CNTN5: variants seen among roughly 807,000 people sequenced by gnomAD.
CNTN5 encodes contactin-5.
In CNTN5, 77 loss-of-function variants were observed where a neutral mutation model predicts 129.1. The ratio of observed to expected loss-of-function variants is 0.60; its 90% confidence interval spans 0.50 to 0.72. The LOEUF (loss-of-function observed/expected upper bound fraction) is 0.72. CNTN5 is among the 30% of genes least tolerant of loss of function. CNTN5 has a pLI of 0.00. For synonymous variants in CNTN5, 509 were observed against 465.6 expected, an observed-to-expected ratio of 1.09 and a Z score of -1.20; for missense variants, 1,478 against 1,328.8, an observed-to-expected ratio of 1.11 and a Z score of -1.75.
At chr11:100,316,148 A>C (rs1216170) in intron 21 of CNTN5, among the ~76,000 whole-genome samples, 74,720 of 152,080 alleles carry the variant, frequency 0.49, 21,028 homozygotes, top group East Asian at 0.92. Context: ...AAATTCAGAG[A>C]AGATGCCAGT....
intron 15 of CNTN5, among the ~76,000 whole-genome samples, chr11:100,198,096 A>G (rs1948692648): frequency 6.6e-6 from 1 of 151,920 alleles, no homozygotes; most frequent in South Asian, 2.1e-4. Context: ...CTCCTTTATA[A>G]ACCCTCTCCA....
intron 1 of CNTN5, among the ~76,000 whole-genome samples, chr11:99,125,311 A>G (rs1191534976): frequency 1.3e-5 from 2 of 151,494 alleles, no homozygotes; most frequent in Non-Finnish European, 2.9e-5. Context: ...ACATTTGCCA[A>G]TCAATAAATG....
chr11:99,155,671 G>T (rs760249853), intron 1 of CNTN5, among the ~76,000 whole-genome samples: 1 of 151,792 alleles, frequency 6.6e-6, no homozygotes, highest in African/African-American at 2.4e-5. Flanking sequence ...AAAAAAACTA[G>T]TAAGTGAAGC....
chr11:99,442,842 G>A (rs1222325083), intron 2 of CNTN5, among the ~76,000 whole-genome samples: 1 of 152,290 alleles, frequency 6.6e-6, no homozygotes, highest in East Asian at 1.9e-4. Context: ...TACAAAACAT[G>A]ACTACTGAGA....
rs548886592 is a variant in CNTN5 at position 99,451,394 on chromosome 11, C to T, written c.-70-104751C>T. On this transcript the variant is annotated intron_variant, in intron 2 of 24. Coordinates refer to ENST00000524871, the MANE Select transcript of CNTN5 (RefSeq NM_014361.4). Reference sequence around the variant, plus strand: ...GGGGCAAAAAAATATACAAATAGTACATCAAAATATTACAAATGGAATGTT... The same window carrying T: ...GGGGCAAAAAAATATACAAATAGTATATCAAAATATTACAAATGGAATGTT... 2.0e-5 allele frequency among the ~76,000 whole-genome samples: 3 copies of T among 152,168 alleles called. No individual in the cohort carries two copies. The South Asian group carries it at 6.2e-4, about 32-fold the overall frequency.
At chr11:100,029,232 A>G (rs759528082) in intron 9 of CNTN5, among the ~76,000 whole-genome samples, 8 of 152,226 alleles carry the variant, frequency 5.3e-5, no homozygotes, top group Non-Finnish European at 7.3e-5. Flanking sequence ...CAACTGAAAT[A>G]TTCTCTGCCT....
intron 16 of CNTN5, among the ~76,000 whole-genome samples, chr11:100,245,790 C>A (rs942145865): frequency 2.0e-5 from 3 of 152,024 alleles, no homozygotes; most frequent in African/African-American, 7.2e-5. Context: ...CAGAATAAAA[C>A]CCCGGAGCCA....
At chr11:100,308,494 G>A (rs112177948) in intron 21 of CNTN5, 26 bp downstream of exon 21, 59,870 of 1,594,694 alleles carry the variant, frequency 0.038, 1,302 homozygotes, top group Non-Finnish European at 0.044. Flanking sequence ...TTGAAAATAA[G>A]CCTTATTGTT....
At chr11:99,935,722 G>A (rs1300622774) in intron 7 of CNTN5, among the ~76,000 whole-genome samples, 1 of 152,074 alleles carries the variant, frequency 6.6e-6, no homozygotes, top group Non-Finnish European at 1.5e-5. Flanking sequence ...CTTTCAAAAA[G>A]AGTGTAACAA....
chr11:100,006,860 A>T (rs1940225517), intron 9 of CNTN5, among the ~76,000 whole-genome samples: 1 of 152,130 alleles, frequency 6.6e-6, no homozygotes, highest in Admixed American at 6.6e-5. Context: ...CTCTACCCTT[A>T]TAAAATGTAT....
intron 1 of CNTN5, among the ~76,000 whole-genome samples, chr11:99,235,959 G>A (rs529864336): frequency 1.2e-4 from 18 of 152,296 alleles, no homozygotes; most frequent in Admixed American, 1.0e-3. Context: ...CGTCATGGAC[G>A]TGGTATTCTT....
intron 3 of CNTN5, among the ~76,000 whole-genome samples, chr11:99,739,087 GT>G (rs1358210980): frequency 1.3e-5 from 2 of 152,126 alleles, no homozygotes; most frequent in Admixed American, 1.3e-4. Context: ...ACCTTGTTCT[GT>G]GTTGCTCACT....
At chr11:99,056,300 A>T (rs1864622451) in intron 1 of CNTN5, among the ~76,000 whole-genome samples, 1 of 151,988 alleles carries the variant, frequency 6.6e-6, no homozygotes, top group Non-Finnish European at 1.5e-5. Flanking sequence ...TAAACAAAAG[A>T]TGTGTACTTG....
chr11:99,749,158 G>T (rs1944153289), intron 3 of CNTN5, among the ~76,000 whole-genome samples: 1 of 152,134 alleles, frequency 6.6e-6, no homozygotes. Flanking sequence ...TGATGGTTCA[G>T]TGTATACAAA....
intron 3 of CNTN5, among the ~76,000 whole-genome samples, chr11:99,808,648 G>C (rs1946342017): frequency 6.6e-6 from 1 of 152,030 alleles, no homozygotes; most frequent in Non-Finnish European, 1.5e-5. Flanking sequence ...GGATTCCTAG[G>C]CAACTTTTTC....
intron 2 of CNTN5, among the ~76,000 whole-genome samples, chr11:99,361,257 G>T (rs1452942323): frequency 6.6e-6 from 1 of 152,008 alleles, no homozygotes; most frequent in Non-Finnish European, 1.5e-5. Flanking sequence ...CACCTTTAAT[G>T]CTCCATTCAC....
intron 13 of CNTN5, among the ~76,000 whole-genome samples, chr11:100,161,830 TACACACACACAC>T (rs71050053): frequency 1.8e-3 from 229 of 125,846 alleles, no homozygotes; most frequent in African/African-American, 2.7e-3. Flanking sequence ...TGGAGCTTCC[TACACACACACAC>T]ACACACACAC....
intron 1 of CNTN5, among the ~76,000 whole-genome samples, chr11:99,034,028 A>C (rs1265729069): frequency 6.6e-6 from 1 of 152,180 alleles, no homozygotes; most frequent in Non-Finnish European, 1.5e-5. Flanking sequence ...TGAGATAATC[A>C]TGTGGTTTTT....
intron 8 of CNTN5, among the ~76,000 whole-genome samples, chr11:99,969,785 TTA>T (rs1292101404): frequency 2.0e-5 from 3 of 152,180 alleles, no homozygotes; most frequent in Non-Finnish European, 1.5e-5. Flanking sequence ...ACTTATCCAT[TTA>T]TATGTCTGTC....
Sources: allele counts gnomAD v4.1 joint callset (sites outside exome capture counted in the v4.1 genomes callset), GRCh38; gene constraint gnomAD v4.1.1; transcripts MANE v1.5; gene names NCBI Gene and HGNC (gene_info 2026-07-23, HGNC 2026-07-21).